Variants in PHTF2 observed in about 807,000 individuals in gnomAD.
PHTF2 encodes the protein putative homeodomain transcription factor 2, also known as protein PHTF2.
PHTF2 carries 60 observed loss-of-function variants against 101.2 expected under a neutral mutation model. The observed-to-expected ratio is 0.59, with a 90% CI of 0.48 to 0.73. The LOEUF (loss-of-function observed/expected upper bound fraction) is 0.73. Among genes scored for constraint, PHTF2 ranks in the 30% least tolerant of loss-of-function variants. The pLI is 0.00. For synonymous variants in PHTF2, 311 were observed against 307.3 expected, an observed-to-expected ratio of 1.01 and a Z score of -0.13; for missense variants, 747 against 908.7, an observed-to-expected ratio of 0.82 and a Z score of 2.29.
chr7:77,801,161 A>T (rs1044001276), intron 1 of PHTF2, among the ~76,000 whole-genome samples: 4 of 152,252 alleles, frequency 2.6e-5, no homozygotes, highest in Non-Finnish European at 2.9e-5. Flanking sequence ...GGAGAAATAG[A>T]TATTTGAACA....
intron 1 of PHTF2, among the ~76,000 whole-genome samples, chr7:77,816,567 C>T (rs893860157): frequency 2.6e-5 from 4 of 152,108 alleles, no homozygotes; most frequent in East Asian, 1.9e-4. Flanking sequence ...GAGTAATTGA[C>T]GTATACATTA....
At chr7:77,860,703 G>C (rs1584512023) in intron 3 of PHTF2, among the ~76,000 whole-genome samples, 1 of 152,086 alleles carries the variant, frequency 6.6e-6, no homozygotes, top group East Asian at 1.9e-4. Context: ...TTAAATTAAA[G>C]GTTTTTGTTA....
intron 3 of PHTF2, among the ~76,000 whole-genome samples, chr7:77,871,316 A>C (rs1798500979): frequency 6.6e-6 from 1 of 152,194 alleles, no homozygotes; most frequent in South Asian, 2.1e-4. Context: ...GTGGAGTAGT[A>C]GACTGATTTC....
rs144416596 is a variant in PHTF2, at chr7:77,828,604, A to G, written c.-35-11617A>G. Among the ~76,000 whole-genome samples, 838 of 152,300 alleles carry G rather than the reference A, an allele frequency of 5.5e-3. 4 individuals carry two copies. The highest frequency in any genetic ancestry group is 6.8e-3 in the Middle Eastern group (2 of 294). ...GGCAGGCAGATCACTTGAGGTCAAG[A>G]GTTCAAGACCAGCTTGGCCAACATG... On this transcript the variant is annotated intron_variant, in intron 1 of 19. Transcript: ENST00000416283.
At chr7:77,941,494 C>T (rs757756551) in intron 15 of PHTF2, among the ~76,000 whole-genome samples, 4 of 152,032 alleles carry the variant, frequency 2.6e-5, no homozygotes, top group Non-Finnish European at 4.4e-5. Context: ...TATTTTATTC[C>T]GTAAACACTT....
At chr7:77,935,529 T>C (rs1357108389) in intron 12 of PHTF2, among the ~76,000 whole-genome samples, 1 of 152,178 alleles carries the variant, frequency 6.6e-6, no homozygotes, top group African/African-American at 2.4e-5. Flanking sequence ...CCGGCGTAAT[T>C]AACTCTTTTA....
At position 77,910,579 on chromosome 7, in the gene PHTF2, T is replaced by C. The variant is rs114077306; in HGVS notation, c.776+170T>C. On this transcript the variant is annotated intron_variant, in intron 9 of 19. Coordinates refer to ENST00000416283, the Ensembl canonical transcript of PHTF2. The stretch of plus-strand genomic sequence containing the variant: ...TAATGGAAAAATAGACACTGTAAAC[T>C]TTATTTGGCTCATGTGTACATACAT... 5.3e-3 allele frequency among the ~76,000 whole-genome samples: 804 copies of C among 152,364 alleles called. 3 individuals are homozygous for C. The highest frequency in any genetic ancestry group is 0.019 in the African/African-American group (775 of 41,580).
At chr7:77,806,026 G>T (rs544636165) in intron 1 of PHTF2, among the ~76,000 whole-genome samples, 155 of 152,212 alleles carry the variant, frequency 1.0e-3, no homozygotes, top group African/African-American at 3.5e-3. Context: ...AATACAAAAA[G>T]TGGCAGAGCA....
intron 3 of PHTF2, among the ~76,000 whole-genome samples, chr7:77,882,418 T>A (rs1472838660): frequency 6.6e-6 from 1 of 152,182 alleles, no homozygotes; most frequent in Non-Finnish European, 1.5e-5. Context: ...TTACTTTTTT[T>A]AGTAACACTT....
chr7:77,813,159 T>C (rs1793583516), intron 1 of PHTF2, among the ~76,000 whole-genome samples: 1 of 152,204 alleles, frequency 6.6e-6, no homozygotes, highest in Non-Finnish European at 1.5e-5. Context: ...ATACATGGTA[T>C]TTAAACCAAG....
chr7:77,859,666 C>T (rs1797468175), intron 3 of PHTF2, among the ~76,000 whole-genome samples: 3 of 151,500 alleles, frequency 2.0e-5, no homozygotes, highest in Admixed American at 6.6e-5. Flanking sequence ...CAGGCCTAAG[C>T]GATCTTCCCG....
chr7:77,933,711 GT>G (rs372397795), intron 12 of PHTF2, among the ~76,000 whole-genome samples: 8,475 of 108,200 alleles, frequency 0.078, 413 homozygotes, highest in African/African-American at 0.2. Context: ...GGGACCATGT[GT>G]TTTTTTTTTT....
chr7:77,957,155 T>C (rs907376939), exon 20 of PHTF2: 2 of 152,144 alleles, frequency 1.3e-5, no homozygotes, highest in Non-Finnish European at 2.9e-5. Context: ...GTGTGAACTG[T>C]TGTTTCTTTG....
chr7:77,811,602 A>T (rs1488201242), intron 1 of PHTF2, among the ~76,000 whole-genome samples: 6 of 152,204 alleles, frequency 3.9e-5, no homozygotes, highest in Non-Finnish European at 8.8e-5. Flanking sequence ...TTACTTATTC[A>T]TATCAGTATG....
chr7:77,847,410 A>G (rs1308389533), intron 2 of PHTF2, among the ~76,000 whole-genome samples: 2 of 152,128 alleles, frequency 1.3e-5, no homozygotes, highest in Non-Finnish European at 1.5e-5. Flanking sequence ...CGCGACCTCT[A>G]TTTGATTTTG....
intron 1 of PHTF2, among the ~76,000 whole-genome samples, chr7:77,823,807 G>A (rs777996370): frequency 7.2e-5 from 11 of 152,182 alleles, no homozygotes; most frequent in African/African-American, 4.8e-5. Flanking sequence ...AAGTAGAGAC[G>A]ATAGATGCTA....
exon 20 of PHTF2, chr7:77,957,281 T>A (rs1463600559): frequency 6.6e-6 from 1 of 152,144 alleles, no homozygotes; most frequent in East Asian, 1.9e-4. Flanking sequence ...AATTTTGTGT[T>A]TACTTAACAT....
chr7:77,820,136 T>G (rs574436087), intron 1 of PHTF2, among the ~76,000 whole-genome samples: 3 of 152,134 alleles, frequency 2.0e-5, no homozygotes, highest in African/African-American at 7.2e-5. Flanking sequence ...TGATCTGCCC[T>G]CCTCGGCCTC....
intron 2 of PHTF2, among the ~76,000 whole-genome samples, chr7:77,845,316 C>G (rs1021464021): frequency 6.6e-6 from 1 of 152,090 alleles, no homozygotes; most frequent in Admixed American, 6.5e-5. Context: ...CTTAGAAAAA[C>G]TCCCCAAATT....
Sources: gnomAD v4.1 joint callset for allele counts (sites outside exome capture counted in the v4.1 genomes callset) on GRCh38, gnomAD v4.1.1 for gene constraint, MANE v1.5 for transcripts, NCBI Gene and HGNC (gene_info 2026-07-23, HGNC 2026-07-21) for gene names.